The following PDHX variants were observed in gnomAD, a reference collection of about 807,000 sequenced individuals.
PDHX encodes pyruvate dehydrogenase protein X component, mitochondrial.
PDHX carries 33 observed loss-of-function variants against 55.3 expected under a neutral mutation model. The ratio of observed to expected loss-of-function variants is 0.60; its 90% confidence interval spans 0.45 to 0.80. The LOEUF (loss-of-function observed/expected upper bound fraction) is 0.80, where lower values mean the gene tolerates loss of function less well. Ranked by LOEUF, PDHX falls within the 30% of genes least tolerant of loss-of-function variation. The pLI is 0.00. For synonymous variants in PDHX, 226 were observed against 219.4 expected (o/e 1.03, Z -0.27); for missense variants, 622 against 619.9 (o/e 1.00, Z -0.04).
intron 1 of PDHX, among the ~76,000 whole-genome samples, chr11:34,920,705 G>C (rs1304894383): frequency 6.6e-6 from 1 of 152,090 alleles, no homozygotes; most frequent in Non-Finnish European, 1.5e-5. Flanking sequence ...TCTTAGCAAG[G>C]CTGAATGTCC....
intron 9 of PDHX, among the ~76,000 whole-genome samples, chr11:34,987,729 AGT>A (rs112490795): frequency 1.2e-4 from 18 of 149,570 alleles, no homozygotes; most frequent in Admixed American, 4.7e-4. Flanking sequence ...AGAAACCCTG[AGT>A]GTGTGTGTGT....
At chr11:34,942,803 C>G (rs1476287411) in intron 2 of PDHX, among the ~76,000 whole-genome samples, 1 of 152,090 alleles carries the variant, frequency 6.6e-6, no homozygotes, top group African/African-American at 2.4e-5. Context: ...TCCCTACCTC[C>G]CTCTCTTTTG....
At chr11:34,934,571 A>ATTTTTTTTTT (rs35227178) in intron 2 of PDHX, among the ~76,000 whole-genome samples, 4 of 92,414 alleles carry the variant, frequency 4.3e-5, no homozygotes, top group Non-Finnish European at 7.9e-5. Flanking sequence ...GATATTATGG[A>ATTTTTTTTTT]TTTTTTTTTT....
At chr11:34,933,889 A>G (rs1467420026) in intron 2 of PDHX, among the ~76,000 whole-genome samples, 1 of 152,136 alleles carries the variant, frequency 6.6e-6, no homozygotes, top group Non-Finnish European at 1.5e-5. Context: ...AATACATTAA[A>G]TATATTTGAA....
intron 7 of PDHX, chr11:34,977,645 T>C (rs1462318587): frequency 2.9e-6 from 1 of 349,312 alleles, no homozygotes; most frequent in Non-Finnish European, 5.7e-6. Flanking sequence ...TAACTGTTTA[T>C]ATATAAAGTA....
chr11:34,963,575 C>T (rs949264037), intron 5 of PDHX, among the ~76,000 whole-genome samples: 4 of 152,162 alleles, frequency 2.6e-5, no homozygotes, highest in Non-Finnish European at 5.9e-5. Context: ...CCACTGTGCC[C>T]AGCCAACACA....
chr11:34,970,313 C>T (rs2133984214), intron 7 of PDHX, 27 bp downstream of exon 7: 1 of 1,555,862 alleles, frequency 6.4e-7, no homozygotes. Context: ...TTACTTAATA[C>T]AAAACACATG....
rs1306068153 is a variant in PDHX, at chr11:34,994,964, A to T, written c.1298A>T (p.Asn433Ile). The stretch of plus-strand genomic sequence containing the variant: ...ATCGACGAATTTACTGCAGTGATTA[A>T]CCCTCCTCAGGCCTGCATTTTGGCG... ...FGIDEFTAVINPPQACILAVG... is the reference protein window; with the variant it reads ...FGIDEFTAVIIPPQACILAVG... Residue 433 changes from asparagine (N) to isoleucine (I), a missense_variant, in exon 11 of 11, where the codon AAC becomes ATC. Physicochemically the swap from Asn to Ile is moderately radical, Grantham distance 149. Coordinates refer to ENST00000227868, the MANE Select transcript of PDHX (RefSeq NM_003477.3). The T allele has an allele frequency of 6.2e-7, 1 of 1,613,776 alleles. No homozygotes were observed. The highest frequency in any genetic ancestry group is 1.3e-5 in the African/African-American group (1 of 74,864).
chr11:34,923,155 T>G (rs944117427), intron 1 of PDHX, among the ~76,000 whole-genome samples: 1 of 151,390 alleles, frequency 6.6e-6, no homozygotes, highest in African/African-American at 2.4e-5. Context: ...AGTAGAAGTA[T>G]AATAATATAG....
chr11:34,927,845 T>C (rs1854059633), intron 1 of PDHX, among the ~76,000 whole-genome samples: 1 of 152,158 alleles, frequency 6.6e-6, no homozygotes. Context: ...TATCTTTCTT[T>C]GGTTTTTGTC....
intron 9 of PDHX, among the ~76,000 whole-genome samples, chr11:34,985,334 G>A (rs1220998596): frequency 2.6e-5 from 4 of 152,092 alleles, no homozygotes; most frequent in African/African-American, 9.7e-5. Context: ...CCAGCTACTC[G>A]GGAGGCTGAG....
chr11:34,922,906 T>G (rs2956103), intron 1 of PDHX, among the ~76,000 whole-genome samples: 16,435 of 53,538 alleles, frequency 0.31, 892 homozygotes, highest in Middle Eastern at 0.46. Flanking sequence ...GTGTATGTAT[T>G]CTTTTGCTAG....
chr11:34,960,932 A>G (rs1337591085), intron 5 of PDHX, among the ~76,000 whole-genome samples: 1 of 152,206 alleles, frequency 6.6e-6, no homozygotes, highest in Non-Finnish European at 1.5e-5. Context: ...AGCAATTTCC[A>G]TATACAGTTT....
chr11:34,927,611 C>A lies in PDHX; in HGVS notation c.161-3793C>A, dbSNP rs542569995. On this transcript the variant is annotated intron_variant, in intron 1 of 10. Transcript: ENST00000227868. ...TAATTACTTTCCCATCAGAAAAATACGTCTGGAAAAGATACCATATAGTGT... is the reference window on the plus strand; with the variant it reads ...TAATTACTTTCCCATCAGAAAAATAAGTCTGGAAAAGATACCATATAGTGT... Among the ~76,000 whole-genome samples, 66 of 152,078 alleles carry A rather than the reference C, an allele frequency of 4.3e-4. 1 individual carries two copies. The South Asian group carries it at 0.013, about 30-fold the overall frequency.
chr11:34,960,824 A>G (rs1161358802), intron 5 of PDHX, among the ~76,000 whole-genome samples: 2 of 152,332 alleles, frequency 1.3e-5, no homozygotes, highest in East Asian at 3.9e-4. Flanking sequence ...AATATGTGAA[A>G]TCATGCAATA....
intron 9 of PDHX, among the ~76,000 whole-genome samples, chr11:34,989,411 T>TC (rs1396075277): frequency 1.3e-5 from 2 of 152,014 alleles, no homozygotes; most frequent in Admixed American, 1.3e-4. Flanking sequence ...GAGACCTGAG[T>TC]CAAACGGGAG....
chr11:34,928,252 A>G (rs1228953867), intron 1 of PDHX, among the ~76,000 whole-genome samples: 4 of 152,126 alleles, frequency 2.6e-5, no homozygotes, highest in African/African-American at 9.7e-5. Flanking sequence ...ATTGAGGTCC[A>G]TTTAGTTGCT....
At chr11:34,933,734 C>A (rs946210819) in intron 2 of PDHX, among the ~76,000 whole-genome samples, 1 of 152,060 alleles carries the variant, frequency 6.6e-6, no homozygotes, top group African/African-American at 2.4e-5. Flanking sequence ...AGGAGATGTG[C>A]AGATGAGCTT....
intron 4 of PDHX, among the ~76,000 whole-genome samples, chr11:34,958,182 C>T (rs1272686165): frequency 6.6e-6 from 1 of 152,110 alleles, no homozygotes; most frequent in Non-Finnish European, 1.5e-5. Context: ...TATAATTATA[C>T]AACATTACTT....
Sources: allele counts gnomAD v4.1 joint callset (sites outside exome capture counted in the v4.1 genomes callset), GRCh38; gene constraint gnomAD v4.1.1; transcripts MANE v1.5; gene names NCBI Gene and HGNC (gene_info 2026-07-23, HGNC 2026-07-21).